Variants in ST6GALNAC2 observed in about 807,000 individuals in gnomAD.
ST6GALNAC2 encodes the protein alpha-N-acetylgalactosaminide alpha-2,6-sialyltransferase 2.
ST6GALNAC2 carries 42 observed loss-of-function variants against 38.7 expected under a neutral mutation model. That is an observed-to-expected ratio of 1.09 (90% CI 0.85 to 1.40). The LOEUF (loss-of-function observed/expected upper bound fraction) is 1.40, where lower values mean the gene tolerates loss of function less well. Among genes scored for constraint, ST6GALNAC2 ranks in the 40% most tolerant of loss-of-function variants. ST6GALNAC2 has a pLI of 0.00. For missense variants in ST6GALNAC2, 506 were observed against 481.7 expected (o/e 1.05, Z -0.47); for synonymous variants, 233 against 209.0 (o/e 1.11, Z -0.99).
At chr17:76,574,661 G>A in intron 2 of ST6GALNAC2, 122 bp from the exon 3 acceptor site, 1 of 778,540 alleles carries the variant, frequency 1.3e-6, no homozygotes, top group Non-Finnish European at 1.9e-6. Context: ...CCTCCAGATT[G>A]GGGCCATCCT....
chr17:76,581,413 C>A (rs963134861), intron 1 of ST6GALNAC2, among the ~76,000 whole-genome samples: 2 of 151,790 alleles, frequency 1.3e-5, no homozygotes, highest in Non-Finnish European at 1.5e-5. Flanking sequence ...GTTCTGGGGT[C>A]GGGGGAGGGC....
At chr17:76,575,474 A>G (rs927822247) in intron 2 of ST6GALNAC2, among the ~76,000 whole-genome samples, 2 of 152,194 alleles carry the variant, frequency 1.3e-5, no homozygotes, top group Non-Finnish European at 2.9e-5. Context: ...ATGATGAAGC[A>G]GGGATCTGTG....
chr17:76,585,647 C>A, intron 1 of ST6GALNAC2, 37 bp downstream of exon 1: 1 of 1,503,858 alleles, frequency 6.6e-7, no homozygotes, highest in South Asian at 1.2e-5. Flanking sequence ...CCCTGGTCGC[C>A]CCTGCGCCCT....
Position 76,565,842 on chromosome 17 carries a change from T to C in ST6GALNAC2, c.*262A>G. On this transcript the variant is annotated 3_prime_UTR_variant, in exon 9 of 9. Coordinates refer to ENST00000225276, the MANE Select transcript of ST6GALNAC2 (RefSeq NM_006456.3). ...CTCCACCGACATTTCCTAAAGTTGC[T>C]CAGTGCCAATCCAGCAAAGCAGTCC... is the stretch of plus-strand genomic sequence containing the variant. The C allele has an allele frequency of 2.6e-6, 1 of 388,440 alleles. No homozygotes were observed. The highest frequency in any genetic ancestry group is 4.6e-6 in the Non-Finnish European group (1 of 215,548). 24.1% of individuals were successfully genotyped at this position (388,440 alleles called of 1,614,324 possible).
intron 2 of ST6GALNAC2, among the ~76,000 whole-genome samples, chr17:76,577,211 C>T (rs904577368): frequency 4.6e-5 from 7 of 150,964 alleles, no homozygotes; most frequent in East Asian, 2.0e-4. Flanking sequence ...GGATTACAGG[C>T]GCCTGCCACC....
At chr17:76,566,358 T>C (rs2075282930) in intron 8 of ST6GALNAC2, 87 bp from the exon 9 acceptor site, 1 of 1,424,344 alleles carries the variant, frequency 7.0e-7, no homozygotes, top group Non-Finnish European at 9.7e-7. Flanking sequence ...TTTAGAAAGG[T>C]GTCCGTCTGC....
chr17:76,572,630 G>A lies in ST6GALNAC2; in HGVS notation c.669+7C>T. ...AACCACAATGGCATGCCCGCCAGAG[G>A]CCTCACCTGTCCTTGTGGCACGGAG... On this transcript the variant is annotated splice_region_variant and intron_variant, in intron 5 of 8. Transcript: ENST00000225276. 1.2e-6 allele frequency: 2 copies of A among 1,613,946 alleles called. No individual in the cohort carries two copies. Among genetic ancestry groups the A allele is most frequent in the Non-Finnish European group, 1.7e-6 (2 of 1,179,996 alleles).
At chr17:76,575,687 A>AC (rs1381662608) in intron 2 of ST6GALNAC2, among the ~76,000 whole-genome samples, 1 of 152,044 alleles carries the variant, frequency 6.6e-6, no homozygotes, top group East Asian at 1.9e-4. Context: ...CGGGGAAGGA[A>AC]CACAGCACCT....
At chr17:76,580,868 G>A (rs36047794) in intron 1 of ST6GALNAC2, 5,923 of 152,120 alleles carry the variant, frequency 0.039, 161 homozygotes, top group East Asian at 0.13. Flanking sequence ...GGGCAGTAAG[G>A]GGATAGTGTT....
intron 7 of ST6GALNAC2, 94 bp downstream of exon 7, chr17:76,568,619 C>T (rs2075313274): frequency 1.6e-5 from 19 of 1,201,584 alleles, no homozygotes; most frequent in South Asian, 7.5e-5. Context: ...TCGGTCAGTG[C>T]GTGGGGCTCG....
chr17:76,572,324 G>A (rs757261673), intron 5 of ST6GALNAC2, among the ~76,000 whole-genome samples: 7 of 152,152 alleles, frequency 4.6e-5, no homozygotes, highest in Non-Finnish European at 1.0e-4. Flanking sequence ...AAAGGCACCA[G>A]GCTTTTATCC....
At chr17:76,583,887 A>G (rs1381076750) in intron 1 of ST6GALNAC2, among the ~76,000 whole-genome samples, 7 of 147,914 alleles carry the variant, frequency 4.7e-5, no homozygotes, top group Non-Finnish European at 7.4e-5. Flanking sequence ...GGCTCACTGC[A>G]AGCTCCACCT....
At position 76,574,417 on chromosome 17, in the gene ST6GALNAC2, G is replaced by T. The variant is rs762678708; in HGVS notation, c.309C>A (p.Asp103Glu). ...WGDLFTPALW[D>E]RLSQHKAPYG... ...ACGGGGCTTTGTGTTGGCTCAGGCG[G>T]TCCCAGAGCGCTGGGGTGAAGAGGT... Residue 103 changes from aspartate (D) to glutamate (E), a missense_variant, in exon 3 of 9, where the codon GAC (aspartate) becomes GAA (glutamate). By Grantham distance (45) the Asp-to-Glu change is conservative. Transcript: ENST00000225276. 3.1e-6 allele frequency: 5 copies of T among 1,613,774 alleles called. No individual in the cohort carries two copies. In the African/African-American group the frequency reaches 6.7e-5, roughly 22 times the overall value.
chr17:76,574,634 G>T, intron 2 of ST6GALNAC2, 95 bp from the exon 3 acceptor site: 3 of 1,104,930 alleles, frequency 2.7e-6, no homozygotes, highest in Non-Finnish European at 3.8e-6. Flanking sequence ...AGTTGTGAGG[G>T]AAGGCCTGCC....
Position 76,565,907 on chromosome 17 carries a change from A to G in ST6GALNAC2, c.*197T>C. ...AAGATTGAGATGTATTGTTTTAGATACAGAAGAGTTCTTGGATGAGCCAAG... is the reference window on the plus strand; with the variant it reads ...AAGATTGAGATGTATTGTTTTAGATGCAGAAGAGTTCTTGGATGAGCCAAG... On this transcript the variant is annotated 3_prime_UTR_variant, in exon 9 of 9. Coordinates refer to ENST00000225276, the MANE Select transcript of ST6GALNAC2 (RefSeq NM_006456.3). The G allele has an allele frequency of 1.8e-6, 1 of 569,056 alleles. No homozygotes were observed. The allele number at this position is 569,056 out of a possible 1,614,324, so 35.3% of individuals were successfully genotyped here.
At chr17:76,580,080 T>A (rs1029962186) in intron 1 of ST6GALNAC2, among the ~76,000 whole-genome samples, 2 of 152,116 alleles carry the variant, frequency 1.3e-5, no homozygotes, top group Non-Finnish European at 2.9e-5. Context: ...CTCCTTTGAT[T>A]GTTAGGAGGG....
At chr17:76,584,292 A>C (rs1241041648) in intron 1 of ST6GALNAC2, among the ~76,000 whole-genome samples, 1 of 150,540 alleles carries the variant, frequency 6.6e-6, no homozygotes, top group Non-Finnish European at 1.5e-5. Flanking sequence ...TCCCAGACTC[A>C]AGGGATCTTC....
At chr17:76,583,375 C>CCAAA (rs552258391) in intron 1 of ST6GALNAC2, among the ~76,000 whole-genome samples, 1 of 97,528 alleles carries the variant, frequency 1.0e-5, no homozygotes, top group Non-Finnish European at 2.0e-5. Context: ...GACTCTGTCC[C>CCAAA]AAAAAAAAAA....
At position 76,573,247 on chromosome 17, in the gene ST6GALNAC2, G is replaced by C. The variant is rs1280586678; in HGVS notation, c.478C>G (p.Leu160Val). Reference protein sequence around the residue: ...RCAVVGNGGILNGSRQGPNID... With the variant: ...RCAVVGNGGIVNGSRQGPNID... The stretch of plus-strand genomic sequence containing the variant: ...TTGGGACCCTGGCGGGACCCATTCA[G>C]AATGCCTCCGTTGCCCACCACGGCA... The change falls in exon 4 of 9, where the codon CTG (leucine) becomes GTG (valine). Residue 160 changes from leucine to valine, a missense_variant. Leu to Val is a conservative substitution (Grantham distance 32, BLOSUM62 1). Transcript: ENST00000225276. This position sits in a 1 kb window ranked among gnomAD's most constrained non-coding sequence, Gnocchi z 5.1. The C allele has an allele frequency of 1.2e-6, 2 of 1,613,222 alleles. No individual in the cohort carries two copies. Among genetic ancestry groups the C allele is most frequent in the African/African-American group, 2.7e-5 (2 of 74,908 alleles).
Sources: allele counts gnomAD v4.1 joint callset (sites outside exome capture counted in the v4.1 genomes callset), GRCh38; gene constraint gnomAD v4.1.1; non-coding constraint Gnocchi (gnomAD v3.1); transcripts MANE v1.5; gene names NCBI Gene and HGNC (gene_info 2026-07-23, HGNC 2026-07-21).